LRP1B: variants seen among roughly 807,000 people sequenced by gnomAD.
LRP1B encodes low-density lipoprotein receptor-related protein 1B.
Under a neutral mutation model 556.6 loss-of-function variants are expected in LRP1B, and 217 were observed. That is an observed-to-expected ratio of 0.39 (90% CI 0.35 to 0.44). LRP1B has a LOEUF of 0.44. Ranked by LOEUF, LRP1B falls within the 20% of genes least tolerant of loss-of-function variation. The pLI is 1.00. For missense variants in LRP1B, 5,053 were observed against 5,620.8 expected (o/e 0.90, Z 3.23); for synonymous variants, 2,047 against 1,865.8 (o/e 1.10, Z -2.50).
chr2:141,563,195 C>T (rs970964020), intron 2 of LRP1B, among the ~76,000 whole-genome samples: 3 of 151,982 alleles, frequency 2.0e-5, no homozygotes, highest in Non-Finnish European at 4.4e-5. Context: ...ATTATTAATT[C>T]AGCTCTAAAC....
intron 1 of LRP1B, among the ~76,000 whole-genome samples, chr2:142,075,797 C>T (rs1164906854): frequency 6.6e-6 from 1 of 151,958 alleles, no homozygotes; most frequent in East Asian, 1.9e-4. Context: ...GGTGATTTAC[C>T]TTAGGGAAGT....
At chr2:140,383,988 A>G (rs147261357) in intron 67 of LRP1B, among the ~76,000 whole-genome samples, 64 of 152,290 alleles carry the variant, frequency 4.2e-4, no homozygotes, top group African/African-American at 1.5e-3. Flanking sequence ...TCTTGTGCCA[A>G]AGGCTGACTT....
chr2:141,467,196 G>C (rs1479663409), intron 3 of LRP1B, among the ~76,000 whole-genome samples: 1 of 150,582 alleles, frequency 6.6e-6, no homozygotes, highest in African/African-American at 2.5e-5. Context: ...AGAGCGCGGG[G>C]GGAATTATAG....
intron 1 of LRP1B, among the ~76,000 whole-genome samples, chr2:141,964,779 A>C (rs963335952): frequency 4.0e-4 from 61 of 152,214 alleles, no homozygotes; most frequent in Non-Finnish European, 8.1e-4. Context: ...TCTACACAGC[A>C]AAAGAAACTA....
intron 12 of LRP1B, among the ~76,000 whole-genome samples, chr2:141,018,698 T>C (rs1302792548): frequency 6.6e-6 from 1 of 152,176 alleles, no homozygotes; most frequent in Non-Finnish European, 1.5e-5. Flanking sequence ...ATTTGAAATT[T>C]CTTTCTTCAG....
Position 141,124,479 on chromosome 2 carries a change from A to C in LRP1B, c.1014-62206T>G, listed in dbSNP as rs1026350239. On this transcript the variant is annotated intron_variant, in intron 7 of 90. Coordinates refer to ENST00000389484, the MANE Select transcript of LRP1B (RefSeq NM_018557.3). ...ATTCCATGACATTCTACTTCTTGTC[A>C]TTTTTCTACTGTTTTATGGTTCCAA... Among the ~76,000 whole-genome samples, 3 of 151,982 alleles carry C rather than the reference A, an allele frequency of 2.0e-5. No homozygotes were observed. In the East Asian group the frequency reaches 5.8e-4, roughly 29 times the overall value.
At chr2:141,188,649 CAT>C (rs1353045750) in intron 6 of LRP1B, 66 bp from the exon 7 acceptor site, 2 of 1,410,494 alleles carry the variant, frequency 1.4e-6, no homozygotes, top group East Asian at 2.3e-5. Context: ...CCAAAAATAA[CAT>C]AAGTGTTTCC....
At chr2:140,846,120 T>C (rs988706817) in intron 29 of LRP1B, among the ~76,000 whole-genome samples, 5 of 152,054 alleles carry the variant, frequency 3.3e-5, no homozygotes, top group Non-Finnish European at 7.4e-5. Flanking sequence ...AGAATGACAA[T>C]TAGAAAAACA....
intron 51 of LRP1B, among the ~76,000 whole-genome samples, chr2:140,514,396 G>A (rs190307545): frequency 9.7e-4 from 147 of 151,826 alleles, no homozygotes; most frequent in Non-Finnish European, 3.1e-4. Flanking sequence ...AGAATTCACC[G>A]AAAGCTAGAA....
chr2:141,762,554 T>A (rs72847474), intron 2 of LRP1B, among the ~76,000 whole-genome samples: 11,134 of 152,086 alleles, frequency 0.073, 522 homozygotes, highest in Non-Finnish European at 0.1. Flanking sequence ...ATAGAAATTG[T>A]ATATTTTTTT....
chr2:140,507,560 A>G (rs906230754), intron 52 of LRP1B, among the ~76,000 whole-genome samples: 3 of 152,196 alleles, frequency 2.0e-5, no homozygotes, highest in South Asian at 2.1e-4. Context: ...CATGAAAGCA[A>G]TGTTCCAACA....
intron 3 of LRP1B, among the ~76,000 whole-genome samples, chr2:141,451,739 T>TA (rs1214844137): frequency 6.6e-6 from 1 of 152,118 alleles, no homozygotes; most frequent in Non-Finnish European, 1.5e-5. Context: ...GACATATTTT[T>TA]AAAAAATTAC....
At chr2:141,487,125 C>T (rs779073985) in intron 2 of LRP1B, among the ~76,000 whole-genome samples, 1 of 152,112 alleles carries the variant, frequency 6.6e-6, no homozygotes, top group Admixed American at 6.5e-5. Context: ...TCCCCTCCAC[C>T]TTTTGCCTGG....
In LRP1B at chr2:140,796,025, C is replaced by T. The variant is rs112323078; in HGVS notation, c.5359+17632G>A. Among the ~76,000 whole-genome samples the T allele has an allele frequency of 6.0e-3, 911 of 151,724 alleles. 3 individuals are homozygous for T. Among genetic ancestry groups the T allele is most frequent in the Middle Eastern group, 0.028 (8 of 284 alleles). ...TTTAAATAAAGAAGAGACATAGGGG[C>T]AATATGTAACAATTATGTCCCTGCT... On this transcript the variant is annotated intron_variant, in intron 32 of 90. Transcript: ENST00000389484.
chr2:141,791,513 G>A (rs1695609844), intron 2 of LRP1B, among the ~76,000 whole-genome samples: 1 of 151,992 alleles, frequency 6.6e-6, no homozygotes, highest in Admixed American at 6.6e-5. Context: ...TTGCTGGATT[G>A]TTAACTTATT....
At chr2:141,596,169 C>T (rs1333762995) in intron 2 of LRP1B, among the ~76,000 whole-genome samples, 1 of 151,836 alleles carries the variant, frequency 6.6e-6, no homozygotes, top group East Asian at 1.9e-4. Context: ...CCGATCCTTA[C>T]CCAGGGTATA....
Position 141,150,869 on chromosome 2 carries a change from TTGTGTGTGTGTGTGTGTGTG to T in LRP1B, c.1013+37532_1013+37551del, listed in dbSNP as rs56107003. Among the ~76,000 whole-genome samples the T allele has an allele frequency of 7.3e-3, 1,010 of 138,714 alleles. 4 individuals are homozygous for T. Among genetic ancestry groups the T allele is most frequent in the Middle Eastern group, 0.03 (8 of 264 alleles). The allele number at this position is 138,714 out of a possible 152,430, so 91.0% of individuals were successfully genotyped here. A position where few individuals can be genotyped will look rare whatever the true frequency, so the allele number is the denominator to read the frequency against. On this transcript the variant is annotated intron_variant, in intron 7 of 90. Coordinates refer to ENST00000389484, the MANE Select transcript of LRP1B (RefSeq NM_018557.3). ...ATGGCCTTCATATTGTCATGCTGGTTTGTGTGTGTGTGTGTGTGTGTGTGTGTGTGTGTGTGTGTGTGTGT... is the reference window on the plus strand; with the variant it reads ...ATGGCCTTCATATTGTCATGCTGGTTTGTGTGTGTGTGTGTGTGTGTGTGT...
At chr2:140,968,784 T>C (rs1219418001) in intron 18 of LRP1B, among the ~76,000 whole-genome samples, 1 of 152,356 alleles carries the variant, frequency 6.6e-6, no homozygotes, top group South Asian at 2.1e-4. Context: ...CATTTCGTTA[T>C]GTACCTAGTA....
chr2:140,741,872 G>C (rs902223862), intron 35 of LRP1B, among the ~76,000 whole-genome samples: 6 of 152,024 alleles, frequency 3.9e-5, no homozygotes, highest in Non-Finnish European at 1.5e-5. Context: ...TTGGTTTTCT[G>C]TTTCTGCATT....
Sources: allele counts gnomAD v4.1 joint callset (sites outside exome capture counted in the v4.1 genomes callset), GRCh38; gene constraint gnomAD v4.1.1; transcripts MANE v1.5; gene names NCBI Gene and HGNC (gene_info 2026-07-23, HGNC 2026-07-21).